CROCC2: variants seen among roughly 807,000 people sequenced by gnomAD.
The protein encoded by CROCC2 is ciliary rootlet coiled-coil protein 2.
A neutral mutation model predicts 177.6 loss-of-function variants in CROCC2; 163 were observed. That is an observed-to-expected ratio of 0.92 (90% CI 0.81 to 1.05). CROCC2 has a LOEUF of 1.05. Among genes scored for constraint, CROCC2 ranks in the 50% least tolerant of loss-of-function variants. The pLI is 0.00. For synonymous variants in CROCC2, 904 were observed against 787.3 expected (o/e 1.15, Z -2.48); for missense variants, 1,929 against 1,797.8 (o/e 1.07, Z -1.32).
chr2:240,965,852 C>A lies in CROCC2; in HGVS notation c.3820C>A (p.Gln1274Lys), dbSNP rs2059679648. 4 of 1,450,240 alleles carry A rather than the reference C, an allele frequency of 2.8e-6. No individual in the cohort carries two copies. In the South Asian group the frequency reaches 5.9e-5, roughly 21 times the overall value. The allele number at this position is 1,450,240 out of a possible 1,614,324, so 89.8% of individuals were successfully genotyped here. The change falls in exon 24 of 32, where the codon CAG (glutamine) becomes AAG (lysine). Residue 1274 changes from glutamine (Q) to lysine (K), a missense_variant. By Grantham distance (53) the Gln-to-Lys change is moderately conservative (BLOSUM62 1). Around this residue, in one of 3 missense-constraint regions of CROCC2, gnomAD observed 144 missense variants for 205.2 expected, o/e 0.70. Transcript: ENST00000690015. Reference sequence around the variant, plus strand: ...CTGTCACCGAATCCACAGCCTGGAGCAGGAGCTGGCCCAGGCTGAGGGTGC... The same window carrying A: ...CTGTCACCGAATCCACAGCCTGGAGAAGGAGCTGGCCCAGGCTGAGGGTGC... ...QACHRIHSLE[Q>K]ELAQAEGARQ...
chr2:240,963,803 G>T, intron 21 of CROCC2, 30 bp downstream of exon 21: 1 of 1,540,544 alleles, frequency 6.5e-7, no homozygotes, highest in South Asian at 1.2e-5. Flanking sequence ...GCAGCTGGGG[G>T]TGCCCTGCAG....
chr2:240,946,628 C>G (rs999965651), intron 15 of CROCC2, among the ~76,000 whole-genome samples: 1 of 152,234 alleles, frequency 6.6e-6, no homozygotes, highest in Non-Finnish European at 1.5e-5. Flanking sequence ...TCCTGCTTCT[C>G]TCTCCCTCAG....
In CROCC2 at chr2:240,925,815, G is replaced by A. The variant is rs941648043; in HGVS notation, c.580G>A (p.Gly194Arg). The A allele has an allele frequency of 3.8e-5, 27 of 716,676 alleles. No homozygotes were observed. Among genetic ancestry groups the A allele is most frequent in the African/African-American group, 7.0e-5 (4 of 57,254 alleles). The allele number at this position is 716,676 out of a possible 1,614,324, so 44.4% of individuals were successfully genotyped here. A position where few individuals can be genotyped will look rare whatever the true frequency, so the allele number is the denominator to read the frequency against. Reference protein sequence around the residue: ...ANDALGRELAGMTGSVQRLQG... With the variant: ...ANDALGRELARMTGSVQRLQG... ...TGACGCGCTGGGCCGGGAGCTGGCC[G>A]GGATGACGGGCAGCGTGCAGCGCCT... The change falls in exon 5 of 32, where the codon GGG becomes AGG. Residue 194 changes from glycine to arginine, a missense_variant. Gly to Arg is a moderately radical substitution (Grantham distance 125). This residue lies in a region of CROCC2 where 1,397 missense variants were observed against 1,239.9 expected (regional missense o/e 1.13). Coordinates refer to ENST00000690015, the MANE Select transcript of CROCC2 (RefSeq NM_001351305.2).
intron 8 of CROCC2, 132 bp from the exon 9 acceptor site, chr2:240,932,570 C>T (rs1253290754): frequency 2.9e-6 from 2 of 689,866 alleles, no homozygotes; most frequent in South Asian, 3.2e-5. Context: ...GAAGGTGTGG[C>T]CCCTCGCCTG....
intron 28 of CROCC2, among the ~76,000 whole-genome samples, chr2:240,988,207 G>GCAGCCTA (rs1013426948): frequency 1.3e-5 from 2 of 152,186 alleles, no homozygotes; most frequent in African/African-American, 2.4e-5. Context: ...GCACATTGGG[G>GCAGCCTA]CAGCCTACAG....
At chr2:240,955,812 C>G in intron 18 of CROCC2, 47 bp from the exon 19 acceptor site, 1 of 1,381,264 alleles carries the variant, frequency 7.2e-7, no homozygotes, top group African/African-American at 1.4e-5. Context: ...CTCTTCCCTC[C>G]CCCGAGACTC....
rs974063774 is a variant in CROCC2 at position 240,926,960 on chromosome 2, G to A, written c.645+1080G>A. ...GCTGGACAGGTCACCTGAGGATCCC[G>A]GGAGCCGATTCTGCTGTGTGAGAAC... On this transcript the variant is annotated intron_variant, in intron 5 of 31. Coordinates refer to ENST00000690015, the MANE Select transcript of CROCC2 (RefSeq NM_001351305.2). 2.6e-5 allele frequency among the ~76,000 whole-genome samples: 4 copies of A among 152,362 alleles called. No individual in the cohort carries two copies. The East Asian group carries it at 7.7e-4, about 29-fold the overall frequency.
chr2:240,989,774 C>G lies in CROCC2; in HGVS notation c.4804C>G (p.Gln1602Glu). The G allele has an allele frequency of 1.3e-6, 2 of 1,550,114 alleles. No individual in the cohort carries two copies. The highest frequency in any genetic ancestry group is 1.2e-5 in the South Asian group (1 of 84,030). Residue 1602 changes from glutamine (Q) to glutamate (E), a missense_variant, in exon 30 of 32, where the codon CAG becomes GAG. Gln to Glu is a conservative substitution (Grantham distance 29). Transcript: ENST00000690015. ...RLHGARPQATQALESQEWTHQ... is the reference protein window; with the variant it reads ...RLHGARPQATEALESQEWTHQ... ...CCATGGGGCCCGGCCGCAGGCCACG[C>G]AGGCCCTGGAGTCCCAAGAATGGAC...
Position 240,964,478 on chromosome 2 carries a change from C to A in CROCC2, c.3318C>A (p.Ser1106=). 1 of 1,548,680 alleles carries A rather than the reference C, an allele frequency of 6.5e-7. No homozygotes were observed. The highest frequency in any genetic ancestry group is 8.7e-7 in the Non-Finnish European group (1 of 1,146,826). ...GCACCCTCGTCAGTTTTAAGCGGTC[C>A]AAGGAGGAGAAGGAGCAGAAGCTGC... The part of the protein sequence containing the change: ...AEQEKASFKR[S]KEEKEQKLLI... Residue 1106 remains serine (S), a synonymous_variant, in exon 22 of 32, where the codon TCC becomes TCA. Transcript: ENST00000690015.
chr2:240,984,575 C>CGACA (rs2059823655), intron 28 of CROCC2, among the ~76,000 whole-genome samples: 1 of 53,488 alleles, frequency 1.9e-5, no homozygotes, highest in African/African-American at 1.1e-4. Flanking sequence ...GGCACTCACT[C>CGACA]CACACACACC....
chr2:240,991,226 G>C lies in CROCC2; in HGVS notation c.4894G>C (p.Glu1632Gln). 1 of 1,547,604 alleles carries C rather than the reference G, an allele frequency of 6.5e-7. No individual in the cohort carries two copies. The highest frequency in any genetic ancestry group is 8.7e-7 in the Non-Finnish European group (1 of 1,145,462). The change falls in exon 31 of 32, where the codon GAA becomes CAA. Residue 1632 changes from glutamate (E) to glutamine (Q), a missense_variant. By Grantham distance (29) the Glu-to-Gln change is conservative. Around this residue, in one of 3 missense-constraint regions of CROCC2, gnomAD observed 388 missense variants for 352.7 expected, o/e 1.10. Coordinates refer to ENST00000690015, the MANE Select transcript of CROCC2 (RefSeq NM_001351305.2). ...CAGCCTGAAGGAGCAACTGGACCAG[G>C]AAGTGCAGTGGCGGCAACAGGCCCA... ...VASLKEQLDQ[E>Q]VQWRQQAHLG... is the part of the protein sequence containing the mutation.
rs1227687692 is a variant in CROCC2, at chr2:240,953,910, C to T, written c.2830-1949C>T. 2.0e-5 allele frequency among the ~76,000 whole-genome samples: 3 copies of T among 152,092 alleles called. No homozygotes were observed. The highest frequency in any genetic ancestry group is 2.1e-4 in the South Asian group (1 of 4,812). On this transcript the variant is annotated intron_variant, in intron 18 of 31. Transcript: ENST00000690015. This position sits in a 1 kb window ranked among gnomAD's most constrained non-coding sequence, Gnocchi z 4.0. ...AAAGTGAAGCTCTCACCCGAGAGAA[C>T]GACACGCTTCTATATTTGATGAAGT...
intron 26 of CROCC2, 127 bp downstream of exon 26, chr2:240,967,592 G>C: frequency 6.7e-7 from 1 of 1,486,082 alleles, no homozygotes; most frequent in Admixed American, 2.1e-5. Context: ...GAGCCTGGGG[G>C]CAACACCCAA....
chr2:240,989,098 T>C (rs768688859), intron 29 of CROCC2, among the ~76,000 whole-genome samples: 11 of 152,018 alleles, frequency 7.2e-5, no homozygotes, highest in Non-Finnish European at 1.2e-4. Context: ...TCTTGAGACA[T>C]TGAAGTCCCC....
intron 20 of CROCC2, chr2:240,963,243 T>G: frequency 2.4e-6 from 1 of 416,380 alleles, no homozygotes; most frequent in Non-Finnish European, 4.4e-6. Context: ...CTGAGCCGCA[T>G]CCCAGGTAGG....
intron 4 of CROCC2, 52 bp downstream of exon 4, chr2:240,922,697 CG>C (rs2059364786): frequency 7.6e-6 from 4 of 524,540 alleles, no homozygotes; most frequent in Non-Finnish European, 1.0e-5. Context: ...GCCATCCCCC[CG>C]AGAGGCAGTG....
intron 27 of CROCC2, among the ~76,000 whole-genome samples, chr2:240,971,062 G>C (rs926020598): frequency 6.6e-6 from 1 of 152,128 alleles, no homozygotes; most frequent in Non-Finnish European, 1.5e-5. Context: ...TCGGCCAAGG[G>C]CTCCCCACTC....
At chr2:240,935,230 A>T in intron 13 of CROCC2, 128 bp from the exon 14 acceptor site, 1 of 1,191,910 alleles carries the variant, frequency 8.4e-7, no homozygotes, top group East Asian at 3.1e-5. Flanking sequence ...TGAGGGAGGG[A>T]AGAGAGTGCC....
chr2:240,948,041 A>T (rs2059533596), intron 15 of CROCC2, among the ~76,000 whole-genome samples: 1 of 152,136 alleles, frequency 6.6e-6, no homozygotes, highest in Non-Finnish European at 1.5e-5. Flanking sequence ...GCGGGCCTCT[A>T]GGAGGAGGGG....
Sources: gnomAD v4.1 joint callset for allele counts (sites outside exome capture counted in the v4.1 genomes callset) on GRCh38, gnomAD v4.1.1 for gene constraint, gnomAD v4.1.1 regional missense constraint, Gnocchi (gnomAD v3.1) non-coding constraint, MANE v1.5 for transcripts, NCBI Gene and HGNC (gene_info 2026-07-23, HGNC 2026-07-21) for gene names.